Variants in PAQR5 observed in about 807,000 individuals in gnomAD.
PAQR5 encodes membrane progestin receptor gamma.
Under a neutral mutation model 34.5 loss-of-function variants are expected in PAQR5, and 20 were observed. That is an observed-to-expected ratio of 0.58 (90% CI 0.41 to 0.84). PAQR5 has a LOEUF of 0.84. PAQR5 is among the 40% of genes least tolerant of loss of function. PAQR5 has a pLI of 0.00. For missense variants in PAQR5, 378 were observed against 412.7 expected (o/e 0.92, Z 0.73); for synonymous variants, 131 against 155.6 (o/e 0.84, Z 1.18).
intron 5 of PAQR5, among the ~76,000 whole-genome samples, chr15:69,388,983 A>G (rs2056185210): frequency 6.6e-6 from 1 of 152,222 alleles, no homozygotes; most frequent in Non-Finnish European, 1.5e-5. Context: ...TTCCAAATAA[A>G]TGCTTCAGCA....
chr15:69,372,990 A>C (rs557424650), intron 3 of PAQR5, among the ~76,000 whole-genome samples: 1 of 152,280 alleles, frequency 6.6e-6, no homozygotes, highest in East Asian at 1.9e-4. Flanking sequence ...GCTTTGGTGG[A>C]TGCTGTTGGG....
At chr15:69,391,800 T>C in intron 6 of PAQR5, 1 of 411,716 alleles carries the variant, frequency 2.4e-6, no homozygotes, top group Non-Finnish European at 4.9e-6. Flanking sequence ...CTCACACCTG[T>C]AATCCCAGCA....
In PAQR5 at chr15:69,397,315, G is replaced by A. The variant is rs748175525; in HGVS notation, c.513-153G>A. 566 of 713,196 alleles carry A rather than the reference G, an allele frequency of 7.9e-4. 3 individuals carry two copies. The highest frequency in any genetic ancestry group is 2.1e-4 in the Non-Finnish European group (80 of 387,456). The allele number at this position is 713,196 out of a possible 1,614,324, so 44.2% of individuals were successfully genotyped here. A position where few individuals can be genotyped will look rare whatever the true frequency, so the allele number is the denominator to read the frequency against. On this transcript the variant is annotated intron_variant, in intron 6 of 8. Transcript: ENST00000395407. ...TTCCATTGGGGTGGGAGGAATGGAC[G>A]AGGCTGGTGGAGAAGCTGCTGGCCA...
rs2056109875 is a variant in PAQR5 at position 69,386,360 on chromosome 15, T to C, written c.385+1478T>C. Among the ~76,000 whole-genome samples, 4 of 152,086 alleles carry C rather than the reference T, an allele frequency of 2.6e-5. No homozygotes were observed. The South Asian group carries it at 8.3e-4, about 32-fold the overall frequency. On this transcript the variant is annotated intron_variant, in intron 5 of 8. Coordinates refer to ENST00000395407, the MANE Select transcript of PAQR5 (RefSeq NM_017705.4). ...TCCCACTTCACTGCCCACTCCTTAG[T>C]GCTCTGCTGCCCAGTCCCCAGCATT...
intron 3 of PAQR5, among the ~76,000 whole-genome samples, chr15:69,367,280 T>C (rs558740683): frequency 3.9e-5 from 6 of 152,344 alleles, no homozygotes; most frequent in African/African-American, 1.4e-4. Context: ...TTTTTTTTTC[T>C]TTTCATATGC....
chr15:69,328,531 C>T (rs1052449298), intron 1 of PAQR5, among the ~76,000 whole-genome samples: 14 of 152,164 alleles, frequency 9.2e-5, no homozygotes, highest in African/African-American at 3.1e-4. Flanking sequence ...GGGCTGGGCC[C>T]GAAAGGCTGC....
chr15:69,374,407 G>A (rs1273578328), intron 3 of PAQR5, among the ~76,000 whole-genome samples: 1 of 152,204 alleles, frequency 6.6e-6, no homozygotes, highest in Non-Finnish European at 1.5e-5. Flanking sequence ...CGGGCACAGT[G>A]GCTCACGTCT....
At chr15:69,322,832 AGAAGAG>A (rs1566998234) in intron 1 of PAQR5, among the ~76,000 whole-genome samples, 4 of 78,418 alleles carry the variant, frequency 5.1e-5, no homozygotes, top group African/African-American at 1.3e-4. Context: ...AAGAAGAAGA[AGAAGAG>A]GAAGAAGAAG....
chr15:69,338,779 T>A (rs2054569049), intron 2 of PAQR5, among the ~76,000 whole-genome samples: 1 of 152,226 alleles, frequency 6.6e-6, no homozygotes, highest in Non-Finnish European at 1.5e-5. Flanking sequence ...GCTGTCTTTT[T>A]CATTTCTGGG....
intron 1 of PAQR5, among the ~76,000 whole-genome samples, chr15:69,327,651 A>C (rs888096171): frequency 1.3e-5 from 2 of 152,206 alleles, no homozygotes; most frequent in African/African-American, 4.8e-5. Flanking sequence ...CCTGTTGACA[A>C]CAGAGAAAGT....
chr15:69,394,732 C>CG (rs2056367535), intron 6 of PAQR5, among the ~76,000 whole-genome samples: 1 of 152,178 alleles, frequency 6.6e-6, no homozygotes, highest in East Asian at 1.9e-4. Flanking sequence ...TGGGGCCGCA[C>CG]GTGGGGCGCC....
At chr15:69,386,831 A>G (rs1289046190) in intron 5 of PAQR5, among the ~76,000 whole-genome samples, 1 of 151,932 alleles carries the variant, frequency 6.6e-6, no homozygotes, top group Non-Finnish European at 1.5e-5. Context: ...GAGCCATGAG[A>G]CCAGAACTGT....
chr15:69,392,689 G>A (rs1166519825), intron 6 of PAQR5, among the ~76,000 whole-genome samples: 3 of 152,216 alleles, frequency 2.0e-5, no homozygotes, highest in Non-Finnish European at 4.4e-5. Flanking sequence ...GCAGGAGGGA[G>A]TGTAATGTAA....
At position 69,384,707 on chromosome 15, in the gene PAQR5, G is replaced by A. The variant is rs373865504; in HGVS notation, c.210G>A (p.Leu70=). ...TTGCATGGAGGTTTGTGACTGCACTGTATATGACAGACATCAAGAATGACA... is the reference window on the plus strand; with the variant it reads ...TTGCATGGAGGTTTGTGACTGCACTATATATGACAGACATCAAGAATGACA... ...WFFAWRFVTA[L]YMTDIKNDSY... The change falls in exon 5 of 9, where the codon CTG becomes CTA. Residue 70 remains leucine (L), a synonymous_variant. Coordinates refer to ENST00000395407, the MANE Select transcript of PAQR5 (RefSeq NM_017705.4). 5 of 1,613,948 alleles carry A rather than the reference G, an allele frequency of 3.1e-6. No homozygotes were observed. Among genetic ancestry groups the A allele is most frequent in the Admixed American group, 1.7e-5 (1 of 60,004 alleles).
At chr15:69,353,999 G>A (rs936929638) in intron 2 of PAQR5, among the ~76,000 whole-genome samples, 6 of 152,168 alleles carry the variant, frequency 3.9e-5, no homozygotes, top group African/African-American at 9.7e-5. Context: ...ACCCGACAAC[G>A]GGAGTGAGGA....
At chr15:69,331,816 G>A (rs1336949100) in intron 1 of PAQR5, among the ~76,000 whole-genome samples, 2 of 152,158 alleles carry the variant, frequency 1.3e-5, no homozygotes, top group African/African-American at 4.8e-5. Context: ...TATTTTGCTG[G>A]GATGGAAAAT....
At chr15:69,389,815 G>A (rs1734886584) in intron 6 of PAQR5, 35 bp downstream of exon 6, 1 of 1,611,570 alleles carries the variant, frequency 6.2e-7, no homozygotes, top group Non-Finnish European at 8.5e-7. Context: ...GGGAGGGGAG[G>A]GAGGGTCTTG....
At chr15:69,349,196 C>T (rs1158817083) in intron 2 of PAQR5, among the ~76,000 whole-genome samples, 3 of 152,098 alleles carry the variant, frequency 2.0e-5, no homozygotes, top group East Asian at 1.9e-4. Context: ...CCTCTGTCTG[C>T]GGGTAAACTC....
Position 69,403,851 on chromosome 15 carries a change from G to A in PAQR5, c.*29G>A. 2.5e-6 allele frequency: 4 copies of A among 1,607,860 alleles called. No individual in the cohort carries two copies. The highest frequency in any genetic ancestry group is 3.4e-6 in the Non-Finnish European group (4 of 1,177,714). On this transcript the variant is annotated 3_prime_UTR_variant, in exon 9 of 9. Transcript: ENST00000395407. ...AGACCATAAGCTTTTCATGCCAGATGTCAACATTAAGCTGCAACATCCTAA... is the reference window on the plus strand; with the variant it reads ...AGACCATAAGCTTTTCATGCCAGATATCAACATTAAGCTGCAACATCCTAA...
Sources: allele counts gnomAD v4.1 joint callset (sites outside exome capture counted in the v4.1 genomes callset), GRCh38; gene constraint gnomAD v4.1.1; transcripts MANE v1.5; gene names NCBI Gene and HGNC (gene_info 2026-07-23, HGNC 2026-07-21).